The following THSD4 variants were observed in gnomAD, a reference collection of about 807,000 sequenced individuals.
THSD4 encodes thrombospondin type 1 domain containing 4, also known as thrombospondin type-1 domain-containing protein 4.
Under a neutral mutation model 119.0 loss-of-function variants are expected in THSD4, and 69 were observed. The ratio of observed to expected loss-of-function variants is 0.58; its 90% CI spans 0.48 to 0.71. THSD4 has a LOEUF of 0.71. Among genes scored for constraint, THSD4 ranks in the 30% least tolerant of loss-of-function variants. The pLI is 0.00. For missense variants in THSD4, 1,393 were observed against 1,391.1 expected, an observed-to-expected ratio of 1.00 and a Z score of -0.02; for synonymous variants, 524 against 540.4, an observed-to-expected ratio of 0.97 and a Z score of 0.42.
At chr15:71,291,064 C>T (rs2044785635) in intron 6 of THSD4, among the ~76,000 whole-genome samples, 1 of 151,946 alleles carries the variant, frequency 6.6e-6, no homozygotes, top group South Asian at 2.1e-4. Flanking sequence ...TAGGATATTC[C>T]TTCTTGACTT....
chr15:71,356,177 T>C (rs2045807278), intron 6 of THSD4, among the ~76,000 whole-genome samples: 1 of 152,138 alleles, frequency 6.6e-6, no homozygotes, highest in African/African-American at 2.4e-5. Flanking sequence ...CCTAATTTAC[T>C]TTCTTCTAAT....
At chr15:71,518,775 A>G (rs866546660) in intron 7 of THSD4, among the ~76,000 whole-genome samples, 3 of 152,146 alleles carry the variant, frequency 2.0e-5, no homozygotes, top group Non-Finnish European at 2.9e-5. Flanking sequence ...CAAACCCAGG[A>G]CAGAGCTTTG....
chr15:71,153,731 A>G (rs2040748696), intron 2 of THSD4, among the ~76,000 whole-genome samples: 1 of 152,176 alleles, frequency 6.6e-6, no homozygotes, highest in Non-Finnish European at 1.5e-5. Context: ...CACATCTCTC[A>G]GTTGTGTTGG....
At chr15:71,666,020 T>A (rs1460522637) in intron 8 of THSD4, among the ~76,000 whole-genome samples, 1 of 152,172 alleles carries the variant, frequency 6.6e-6, no homozygotes, top group Non-Finnish European at 1.5e-5. Flanking sequence ...TTTAAAATAG[T>A]TTTTTCTAGT....
At chr15:71,259,137 A>C (rs1017663608) in intron 6 of THSD4, among the ~76,000 whole-genome samples, 1 of 151,948 alleles carries the variant, frequency 6.6e-6, no homozygotes, top group African/African-American at 2.4e-5. Context: ...AAACAAAAAA[A>C]AAGAAGAGGA....
At chr15:71,521,189 A>G (rs1260287119) in intron 7 of THSD4, among the ~76,000 whole-genome samples, 1 of 151,994 alleles carries the variant, frequency 6.6e-6, no homozygotes, top group Non-Finnish European at 1.5e-5. Flanking sequence ...CTCAGATAAT[A>G]CTTTCTCTCT....
chr15:71,298,319 A>G (rs1346900247), intron 6 of THSD4, among the ~76,000 whole-genome samples: 1 of 152,174 alleles, frequency 6.6e-6, no homozygotes, highest in Admixed American at 6.5e-5. Flanking sequence ...CAATAACACC[A>G]CACTGTCTTC....
chr15:71,136,665 G>A (rs1418081994), intron 1 of THSD4, among the ~76,000 whole-genome samples: 1 of 148,464 alleles, frequency 6.7e-6, no homozygotes, highest in African/African-American at 2.6e-5. Flanking sequence ...AGCGTGTGTA[G>A]GAGGGAGGGA....
At chr15:71,670,948 C>T (rs1028027651) in intron 8 of THSD4, among the ~76,000 whole-genome samples, 2 of 152,114 alleles carry the variant, frequency 1.3e-5, no homozygotes, top group African/African-American at 4.8e-5. Flanking sequence ...GTGAATAGTG[C>T]CGCAATAAAC....
chr15:71,535,456 A>G (rs1444406184), intron 7 of THSD4, among the ~76,000 whole-genome samples: 2 of 152,208 alleles, frequency 1.3e-5, no homozygotes, highest in Non-Finnish European at 2.9e-5. Context: ...ACATGTGGAC[A>G]TATGTTGTCA....
intron 7 of THSD4, among the ~76,000 whole-genome samples, chr15:71,505,878 A>C (rs2048178727): frequency 6.6e-6 from 1 of 152,238 alleles, no homozygotes; most frequent in African/African-American, 2.4e-5. Context: ...TATAAGCAGA[A>C]GATCCAGTTC....
rs1555445094 is a variant in THSD4 at position 71,716,561 on chromosome 15, G to GGGGTGTGTGT, written c.1358-11987_1358-11986insGGTGTGTGTG. Among the ~76,000 whole-genome samples the GGGGTGTGTGT allele has an allele frequency of 6.4e-4, 93 of 144,618 alleles. No individual in the cohort carries two copies. The East Asian group carries it at 0.011, about 17-fold the overall frequency. The allele number at this position is 144,618 out of a possible 152,430, so 94.9% of individuals were successfully genotyped here. A position where few individuals can be genotyped will look rare whatever the true frequency, so the allele number is the denominator to read the frequency against. On this transcript the variant is annotated intron_variant, in intron 8 of 17. Coordinates refer to ENST00000261862, the MANE Select transcript of THSD4 (RefSeq NM_024817.3). ...TTCCTGTTTGTTTTATAGAGTGTGGGGTGTGTGTGTGTGTGTGTGTTGGTT... is the reference window on the plus strand; with the variant it reads ...TTCCTGTTTGTTTTATAGAGTGTGGGGGGTGTGTGTGTGTGTGTGTGTGTGTGTGTTGGTT...
intron 8 of THSD4, among the ~76,000 whole-genome samples, chr15:71,701,162 G>C (rs2052281293): frequency 6.6e-6 from 1 of 152,086 alleles, no homozygotes; most frequent in African/African-American, 2.4e-5. Flanking sequence ...AGCTCCTGAA[G>C]TTCACTAAGA....
At chr15:71,259,636 G>C (rs2044366564) in intron 6 of THSD4, among the ~76,000 whole-genome samples, 2 of 152,112 alleles carry the variant, frequency 1.3e-5, no homozygotes, top group Non-Finnish European at 2.9e-5. Context: ...GAGCCTCCTA[G>C]AGACACTGAT....
intron 8 of THSD4, among the ~76,000 whole-genome samples, chr15:71,705,969 A>G (rs1449581231): frequency 6.6e-6 from 1 of 152,210 alleles, no homozygotes; most frequent in African/African-American, 2.4e-5. Flanking sequence ...AGGATCTTGA[A>G]GGATACACAG....
chr15:71,195,743 G>T (rs2043713840), intron 3 of THSD4, among the ~76,000 whole-genome samples: 1 of 152,132 alleles, frequency 6.6e-6, no homozygotes, highest in South Asian at 2.1e-4. Context: ...TGGGTGGATG[G>T]GGTTGGGGGA....
chr15:71,282,785 C>T (rs115399582), intron 6 of THSD4, among the ~76,000 whole-genome samples: 1 of 152,250 alleles, frequency 6.6e-6, no homozygotes, highest in Admixed American at 6.5e-5. Flanking sequence ...CTACCTGACT[C>T]CTCACTGATT....
chr15:71,114,945 G>C (rs1367120382), upstream of THSD4: 1 of 152,242 alleles, frequency 6.6e-6, no homozygotes, highest in Non-Finnish European at 1.5e-5. Context: ...GTGTGTGTGT[G>C]ACCAGGGCTC....
At chr15:71,101,668 A>G (rs1047224310) in intron 1 of THSD4, among the ~76,000 whole-genome samples, 5 of 151,820 alleles carry the variant, frequency 3.3e-5, no homozygotes, top group Admixed American at 3.3e-4. Flanking sequence ...TTCATGAACG[A>G]TATTTCCACT....
Sources: gnomAD v4.1 joint callset for allele counts (sites outside exome capture counted in the v4.1 genomes callset) on GRCh38, gnomAD v4.1.1 for gene constraint, MANE v1.5 for transcripts, NCBI Gene and HGNC (gene_info 2026-07-23, HGNC 2026-07-21) for gene names.